The following SERPINB9 variants were observed in gnomAD, a reference collection of about 807,000 sequenced individuals.
SERPINB9 encodes serpin family B member 9.
A neutral mutation model predicts 27.2 loss-of-function variants in SERPINB9; 20 were observed. The observed-to-expected ratio is 0.74, with a 90% confidence interval of 0.52 to 1.07. The LOEUF (loss-of-function observed/expected upper bound fraction) is 1.07. Ranked by LOEUF, SERPINB9 falls within the 50% of genes least tolerant of loss-of-function variation. The pLI is 0.00. For synonymous variants in SERPINB9, 189 were observed against 180.0 expected (o/e 1.05, Z -0.40); for missense variants, 476 against 460.1 (o/e 1.03, Z -0.32).
At chr6:2,902,280 G>A (rs1260082536) in intron 1 of SERPINB9, among the ~76,000 whole-genome samples, 1 of 152,150 alleles carries the variant, frequency 6.6e-6, no homozygotes, top group East Asian at 1.9e-4. Context: ...TCTTGACCCC[G>A]CCGGCGCGAC....
intron 1 of SERPINB9, among the ~76,000 whole-genome samples, chr6:2,902,282 C>A (rs1348210957): frequency 2.0e-5 from 3 of 152,214 alleles, no homozygotes; most frequent in Non-Finnish European, 4.4e-5. Flanking sequence ...TTGACCCCGC[C>A]GGCGCGACCC....
chr6:2,892,648 AAT>A lies in SERPINB9; in HGVS notation c.568-662_568-661del, dbSNP rs1382784971. 2.6e-5 allele frequency among the ~76,000 whole-genome samples: 4 copies of A among 152,318 alleles called. No homozygotes were observed. In the East Asian group the frequency reaches 7.7e-4, roughly 29 times the overall value. ...ACAGATCATTTATTATAAAAATTAA[AAT>A]AGTTCTAAAACCAGGGTTAGAATTC... is the stretch of plus-strand genomic sequence containing the variant. On this transcript the variant is annotated intron_variant, in intron 5 of 6. Coordinates refer to ENST00000380698, the MANE Select transcript of SERPINB9 (RefSeq NM_004155.6).
At chr6:2,892,079 C>G in intron 5 of SERPINB9, 91 bp from the exon 6 acceptor site, 1 of 841,100 alleles carries the variant, frequency 1.2e-6, no homozygotes, top group Non-Finnish European at 1.8e-6. Context: ...TGATGGAAAC[C>G]GCCACATTCA....
chr6:2,893,323 C>T (rs762468837), intron 5 of SERPINB9, 88 bp downstream of exon 5: 87 of 1,348,334 alleles, frequency 6.5e-5, no homozygotes, highest in African/African-American at 1.5e-4. Flanking sequence ...TTTTGGCTTA[C>T]GCTTATGTCA....
rs535487251 is a variant in SERPINB9 at position 2,892,105 on chromosome 6, TAAA to T, written c.568-120_568-118del. The T allele has an allele frequency of 3.5e-3, 414 of 117,760 alleles. 1 individual carries two copies. The highest frequency in any genetic ancestry group is 0.018 in the African/African-American group (229 of 12,948). The allele number at this position is 117,760 out of a possible 1,614,324, so 7.3% of individuals were successfully genotyped here. ...GCCACATTCATGCCCCAGTTAACAC[TAAA>T]AAAAAAAAAAAAAAAAAAAAAAAAA... On this transcript the variant is annotated intron_variant, in intron 5 of 6. Coordinates refer to ENST00000380698, the MANE Select transcript of SERPINB9 (RefSeq NM_004155.6).
In SERPINB9 at chr6:2,896,063, T is replaced by A; in HGVS notation, c.296A>T (p.Gln99Leu). ...ATTGATTCAACTTACTGAGAGGAACTGACAAGTTTTCTCTCCAAAGAGCCT... is the reference window on the plus strand; with the variant it reads ...ATTGATTCAACTTACTGAGAGGAACAGACAAGTTTTCTCTCCAAAGAGCCT... The part of the protein sequence containing the change: ...ANRLFGEKTC[Q>L]FLSTFKESCL... The change falls in exon 3 of 7, where the codon CAG becomes CTG. Residue 99 changes from glutamine (Q) to leucine (L), a missense_variant. By Grantham distance (113) the Gln-to-Leu change is moderately radical. Coordinates refer to ENST00000380698, the MANE Select transcript of SERPINB9 (RefSeq NM_004155.6). 1 of 1,613,146 alleles carries A rather than the reference T, an allele frequency of 6.2e-7. No homozygotes were observed. Among genetic ancestry groups the A allele is most frequent in the East Asian group, 2.2e-5 (1 of 44,854 alleles).
intron 2 of SERPINB9, among the ~76,000 whole-genome samples, chr6:2,897,514 G>C (rs1284449581): frequency 6.6e-6 from 1 of 152,162 alleles, no homozygotes; most frequent in South Asian, 2.1e-4. Flanking sequence ...TATGACATAT[G>C]ATTTAGAAAA....
chr6:2,902,754 AG>A (rs1014246654), intron 1 of SERPINB9, among the ~76,000 whole-genome samples: 2 of 152,102 alleles, frequency 1.3e-5, no homozygotes, highest in African/African-American at 4.8e-5. Flanking sequence ...CTGATCTCCA[AG>A]GATCCGACCG....
chr6:2,900,393 A>G lies in SERPINB9; in HGVS notation c.168+51T>C, dbSNP rs377709594. On this transcript the variant is annotated intron_variant, in intron 2 of 6. Transcript: ENST00000380698. ...GGAGTGTGAGTGTGAAGCTGGTGACAGAACACGCAGCCCAGGCCAGTCCCT... is the reference window on the plus strand; with the variant it reads ...GGAGTGTGAGTGTGAAGCTGGTGACGGAACACGCAGCCCAGGCCAGTCCCT... 3.8e-6 allele frequency: 6 copies of G among 1,591,466 alleles called. No individual in the cohort carries two copies. The African/African-American group carries it at 6.7e-5, about 18-fold the overall frequency.
Position 2,901,940 on chromosome 6 carries a change from CCA to C in SERPINB9, c.-11+1259_-11+1260del, listed in dbSNP as rs201229473. Among the ~76,000 whole-genome samples the C allele has an allele frequency of 8.3e-3, 1,271 of 152,278 alleles. 23 individuals carry two copies. Among genetic ancestry groups the C allele is most frequent in the African/African-American group, 0.028 (1,171 of 41,532 alleles). ...ACACAACCCACTCCCCCAGCCACCC[CCA>C]CGCCACAGCCACACGGCACCTCAGA... On this transcript the variant is annotated intron_variant, in intron 1 of 6. Coordinates refer to ENST00000380698, the MANE Select transcript of SERPINB9 (RefSeq NM_004155.6).
chr6:2,902,233 G>A (rs1768229670), intron 1 of SERPINB9, among the ~76,000 whole-genome samples: 1 of 152,070 alleles, frequency 6.6e-6, no homozygotes, highest in Non-Finnish European at 1.5e-5. Context: ...CAAACACCGC[G>A]GCCCGGAGGC....
chr6:2,896,900 G>T (rs1768018005), intron 2 of SERPINB9, among the ~76,000 whole-genome samples: 1 of 151,912 alleles, frequency 6.6e-6, no homozygotes, highest in African/African-American at 2.4e-5. Context: ...AGCACTTTTG[G>T]AGGCCAAGGC....
At chr6:2,892,501 A>T (rs1767845658) in intron 5 of SERPINB9, among the ~76,000 whole-genome samples, 2 of 152,312 alleles carry the variant, frequency 1.3e-5, no homozygotes, top group South Asian at 4.1e-4. Flanking sequence ...ATGTATTTTA[A>T]CCCAATCTTT....
rs1478392180 is a variant in SERPINB9 at position 2,889,517 on chromosome 6, A to G, written c.*646T>C. The G allele has an allele frequency of 1.3e-5, 2 of 151,628 alleles. No individual in the cohort carries two copies. Among genetic ancestry groups the G allele is most frequent in the African/African-American group, 4.9e-5 (2 of 40,988 alleles). 9.4% of individuals were successfully genotyped at this position (151,628 alleles called of 1,614,324 possible). On this transcript the variant is annotated 3_prime_UTR_variant, in exon 7 of 7. Transcript: ENST00000380698. Reference sequence around the variant, plus strand: ...GACACCATCCTGGCTAACACGGTGAAACCCCGTCTCTACTAAAAATACAAA... The same window carrying G: ...GACACCATCCTGGCTAACACGGTGAGACCCCGTCTCTACTAAAAATACAAA...
chr6:2,892,071 A>C, intron 5 of SERPINB9, 83 bp from the exon 6 acceptor site: 16 of 662,776 alleles, frequency 2.4e-5, no homozygotes, highest in East Asian at 5.4e-5. Context: ...AGCACCTGTG[A>C]TGGAAACCGC....
chr6:2,890,305 G>A lies in SERPINB9; in HGVS notation c.989C>T (p.Ala330Val), dbSNP rs770929943. 60 of 1,614,180 alleles carry A rather than the reference G, an allele frequency of 3.7e-5. No homozygotes were observed. Among genetic ancestry groups the A allele is most frequent in the Admixed American group, 1.0e-4 (6 of 60,020 alleles). ...VEVNEEGTEA[A>V]AASSCFVVAE... is the part of the protein sequence containing the mutation. Reference sequence around the variant, plus strand: ...AACTACAAAGCAGCTCGACGCTGCCGCTGCCTCGGTGCCTTCTTCATTCAC... The same window carrying A: ...AACTACAAAGCAGCTCGACGCTGCCACTGCCTCGGTGCCTTCTTCATTCAC... The change falls in exon 7 of 7, where the codon GCG (alanine) becomes GTG (valine). Residue 330 changes from alanine (A) to valine (V), a missense_variant. Physicochemically the swap from Ala to Val is moderately conservative, Grantham distance 64. Transcript: ENST00000380698. The surrounding 1 kb of genome is among the most constrained non-coding windows in gnomAD (Gnocchi z 6.2).
rs189449450 is a variant in SERPINB9 at position 2,891,558 on chromosome 6, T to C, written c.723+275A>G. 2.0e-5 allele frequency among the ~76,000 whole-genome samples: 3 copies of C among 152,234 alleles called. No homozygotes were observed. Among genetic ancestry groups the C allele is most frequent in the Non-Finnish European group, 4.4e-5 (3 of 68,012 alleles). On this transcript the variant is annotated intron_variant, in intron 6 of 6. Coordinates refer to ENST00000380698, the MANE Select transcript of SERPINB9 (RefSeq NM_004155.6). This position sits in a 1 kb window ranked among gnomAD's most constrained non-coding sequence, Gnocchi z 4.0. ...CAAACTAGCAGGATTTTTATAAGCT[T>C]CCTCCTACCTGATTTATTTTAAAAG...
chr6:2,901,448 C>T (rs1768199120), intron 1 of SERPINB9, among the ~76,000 whole-genome samples: 1 of 149,758 alleles, frequency 6.7e-6, no homozygotes, highest in Non-Finnish European at 1.5e-5. Flanking sequence ...GTAGATTGTG[C>T]GTGAGAGGAA....
chr6:2,900,705 C>T (rs1341186074), intron 1 of SERPINB9, 84 bp from the exon 2 acceptor site: 4 of 1,220,856 alleles, frequency 3.3e-6, no homozygotes, highest in East Asian at 4.8e-5. Context: ...ATTTTGGAAT[C>T]GTACTTTTTG....
Sources: gnomAD v4.1 joint callset for allele counts (sites outside exome capture counted in the v4.1 genomes callset) on GRCh38, gnomAD v4.1.1 for gene constraint, Gnocchi (gnomAD v3.1) non-coding constraint, MANE v1.5 for transcripts, NCBI Gene and HGNC (gene_info 2026-07-23, HGNC 2026-07-21) for gene names.